GON4L: variants seen among roughly 807,000 people sequenced by gnomAD.
GON4L encodes GON-4-like protein.
Under a neutral mutation model 211.8 loss-of-function variants are expected in GON4L, and 87 were observed. The observed-to-expected ratio is 0.41, with a 90% confidence interval of 0.35 to 0.49. The LOEUF (loss-of-function observed/expected upper bound fraction) is 0.49, where lower values mean the gene tolerates loss of function less well. Among genes scored for constraint, GON4L ranks in the 20% least tolerant of loss-of-function variants. The pLI is 0.15. For missense variants in GON4L, 2,155 were observed against 2,659.5 expected (o/e 0.81, Z 4.17); for synonymous variants, 875 against 962.6 (o/e 0.91, Z 1.68).
intron 14 of GON4L, among the ~76,000 whole-genome samples, chr1:155,780,044 C>G: frequency 6.6e-6 from 1 of 152,134 alleles, no homozygotes; most frequent in African/African-American, 2.4e-5. Flanking sequence ...AGTGATCCAC[C>G]TGCCTTGGCC....
rs547763871 is a variant in GON4L, at chr1:155,816,239, T to C, written c.1038A>G (p.Ser346=). The C allele has an allele frequency of 2.3e-6, 3 of 1,324,436 alleles. No individual in the cohort carries two copies. The highest frequency in any genetic ancestry group is 3.3e-6 in the Non-Finnish European group (3 of 917,700). 82.0% of individuals were successfully genotyped at this position (1,324,436 alleles called of 1,614,324 possible). A position where few individuals can be genotyped will look rare whatever the true frequency, so the allele number is the denominator to read the frequency against. ...TAATTTCATTGGCCTTCTTAATTGG[T>C]GAAATATTCCATGTTGGAATTACCT... ...KGVVIPTWNI[S]PIKKANEIKP... is the part of the protein sequence containing the mutation. Residue 346 remains serine (S), a synonymous_variant, in exon 7 of 32, where the codon TCA becomes TCG. Transcript: ENST00000368331.
intron 20 of GON4L, chr1:155,766,974 A>G (rs1662566601): frequency 1.8e-6 from 1 of 565,192 alleles, no homozygotes; most frequent in Non-Finnish European, 3.1e-6. Flanking sequence ...TGAACCTGGG[A>G]GGCAGAGGTT....
At chr1:155,749,626 G>A, downstream of GON4L, 1 of 1,412,716 alleles carries the variant, frequency 7.1e-7, no homozygotes, top group Non-Finnish European at 9.5e-7. Context: ...TCCCCCAAGG[G>A]AGCAGGTATG....
chr1:155,828,137 G>A (rs971291710), intron 2 of GON4L, among the ~76,000 whole-genome samples: 9 of 137,562 alleles, frequency 6.5e-5, no homozygotes, highest in African/African-American at 2.4e-4. Context: ...CAGCCTGGGT[G>A]TCAGAGCAAG....
Position 155,820,608 on chromosome 1 carries a change from C to T in GON4L, c.1012G>A (p.Val338Met). 1 of 1,605,184 alleles carries T rather than the reference C, an allele frequency of 6.2e-7. No individual in the cohort carries two copies. The highest frequency in any genetic ancestry group is 8.5e-7 in the Non-Finnish European group (1 of 1,172,066). Residue 338 changes from valine (V) to methionine (M), a missense_variant and splice_region_variant, in exon 6 of 32, where the codon GTG (valine) becomes ATG (methionine). Transcript: ENST00000368331. ...SKLKEVVEKG[V>M]VIPTWNISPI... ...CAACAAAAAAACAGAATACTTACCA[C>T]TCCTTTTTCCACTACTTCCTTCAGT...
Position 155,827,138 on chromosome 1 carries a change from A to C in GON4L, c.506-110T>G. Reference sequence around the variant, plus strand: ...TTTAGGTAGACAACTTCATGAATTAAGCATATACTATATAGGAATTTTCCT... The same window carrying C: ...TTTAGGTAGACAACTTCATGAATTACGCATATACTATATAGGAATTTTCCT... On this transcript the variant is annotated intron_variant, in intron 2 of 31. Transcript: ENST00000368331. 21 of 796,096 alleles carry C rather than the reference A, an allele frequency of 2.6e-5. No individual in the cohort carries two copies. In the Middle Eastern group the frequency reaches 9.0e-4, roughly 34 times the overall value. The allele number at this position is 796,096 out of a possible 1,614,324, so 49.3% of individuals were successfully genotyped here. A position where few individuals can be genotyped will look rare whatever the true frequency, so the allele number is the denominator to read the frequency against.
rs779140286 is a variant in GON4L, at chr1:155,773,210, G to A, written c.2351C>T (p.Ala784Val). Residue 784 changes from alanine (A) to valine (V), a missense_variant and splice_region_variant, in exon 18 of 32, where the codon GCG (alanine) becomes GTG (valine). By Grantham distance (64) the Ala-to-Val change is moderately conservative (BLOSUM62 0). Coordinates refer to ENST00000368331, the MANE Select transcript of GON4L (RefSeq NM_001282860.2). ...CSPHKTVKKT[A>V]NEFPCLPKQV... ...CTTTGGCAAACAGGGAAATTCATTC[G>A]CTATAAGAAAATAAATCTCGGATAA... The A allele has an allele frequency of 9.9e-6, 16 of 1,613,808 alleles. No homozygotes were observed. Among genetic ancestry groups the A allele is most frequent in the Admixed American group, 6.7e-5 (4 of 59,966 alleles).
chr1:155,787,366 G>A (rs558384134), intron 12 of GON4L, among the ~76,000 whole-genome samples: 3 of 152,230 alleles, frequency 2.0e-5, no homozygotes, highest in South Asian at 4.1e-4. Flanking sequence ...GCTCCAAAAC[G>A]GGGCTCATAA....
chr1:155,750,868 A>G (rs1159038518), intron 31 of GON4L, 135 bp from the exon 32 acceptor site: 9 of 782,332 alleles, frequency 1.2e-5, no homozygotes, highest in Admixed American at 2.2e-5. Context: ...GGTTCAAGCA[A>G]TTCTCCTGCC....
rs371177822 is a variant in GON4L, at chr1:155,777,533, C to A, written c.2091+89G>T. 4.2e-6 allele frequency: 4 copies of A among 954,774 alleles called. No homozygotes were observed. In the East Asian group the frequency reaches 9.6e-5, roughly 23 times the overall value. The allele number at this position is 954,774 out of a possible 1,614,324, so 59.1% of individuals were successfully genotyped here. A position where few individuals can be genotyped will look rare whatever the true frequency, so the allele number is the denominator to read the frequency against. ...AGCAGAGGTTGAAGTGAGCCGATAT[C>A]GGGCCACTGCACTCCAGGCTGGGAG... On this transcript the variant is annotated intron_variant, in intron 15 of 31. Coordinates refer to ENST00000368331, the MANE Select transcript of GON4L (RefSeq NM_001282860.2).
chr1:155,830,883 C>A (rs1669697396), intron 2 of GON4L, among the ~76,000 whole-genome samples: 2 of 152,134 alleles, frequency 1.3e-5, no homozygotes, highest in South Asian at 4.1e-4. Flanking sequence ...CCATGCCTGA[C>A]CCCAAATATT....
In GON4L at chr1:155,820,661, G is replaced by A. The variant is rs1668645730; in HGVS notation, c.964-5C>T. The A allele has an allele frequency of 6.2e-7, 1 of 1,600,800 alleles. No individual in the cohort carries two copies. The highest frequency in any genetic ancestry group is 8.6e-7 in the Non-Finnish European group (1 of 1,168,130). On this transcript the variant is annotated splice_region_variant and splice_polypyrimidine_tract_variant and intron_variant, in intron 5 of 31. Transcript: ENST00000368331. ...AGAGCGTGTCATTTTAGGCTCCTAA[G>A]GAGAAAAAAACAGAAAGGAAATCCT...
At chr1:155,812,013 T>C (rs2102169969) in intron 10 of GON4L, among the ~76,000 whole-genome samples, 1 of 151,854 alleles carries the variant, frequency 6.6e-6, no homozygotes, top group South Asian at 2.1e-4. Flanking sequence ...GTCGCGCCAC[T>C]GCACTCCAGC....
At chr1:155,761,459 G>A (rs1661792790) in intron 23 of GON4L, among the ~76,000 whole-genome samples, 1 of 151,244 alleles carries the variant, frequency 6.6e-6, no homozygotes. Flanking sequence ...CCAAAGTGCT[G>A]GCATTATATG....
chr1:155,822,483 A>G lies in GON4L; in HGVS notation c.698-7T>C. ...TCTTCATTGTCTTGTTCTTCTGCAA[A>G]TAAACCAAGAACATCATCAGAATTC... On this transcript the variant is annotated splice_region_variant and splice_polypyrimidine_tract_variant and intron_variant, in intron 3 of 31. Transcript: ENST00000368331. 6.2e-7 allele frequency: 1 copy of G among 1,607,626 alleles called. No homozygotes were observed.
Position 155,784,085 on chromosome 1 carries a change from T to C in GON4L, c.1793A>G (p.Gln598Arg), listed in dbSNP as rs763359754. 2 of 1,613,962 alleles carry C rather than the reference T, an allele frequency of 1.2e-6. No homozygotes were observed. Among genetic ancestry groups the C allele is most frequent in the South Asian group, 1.1e-5 (1 of 91,076 alleles). ...CATGTTGGAGAATCCCATCTCATCT[T>C]GGAACTGTGGGCAAAGGAAAGGGAG... is the stretch of plus-strand genomic sequence containing the variant. ...ELMEELFETF[Q>R]DEMGFSNMED... is the part of the protein sequence containing the mutation. The change falls in exon 14 of 32, where the codon CAA becomes CGA. Residue 598 changes from glutamine (Q) to arginine (R), a missense_variant. By Grantham distance (43) the Gln-to-Arg change is conservative (BLOSUM62 1). This residue lies in a region of GON4L where 551 missense variants were observed against 854.0 expected (regional missense o/e 0.65). Transcript: ENST00000368331.
At position 155,775,007 on chromosome 1, in the gene GON4L, T is replaced by C. The variant is rs559300852; in HGVS notation, c.2345A>G (p.Lys782Arg). The change falls in exon 17 of 32, where the codon AAG (lysine) becomes AGG (arginine). Residue 782 changes from lysine (K) to arginine (R), a missense_variant. Coordinates refer to ENST00000368331, the MANE Select transcript of GON4L (RefSeq NM_001282860.2). Reference protein sequence around the residue: ...IDCSPHKTVKKTANEFPCLPK... With the variant: ...IDCSPHKTVKRTANEFPCLPK... ...CTGACACATCTGTCTCCTACCAGTC[T>C]TCTTGACAGTTTTATGAGGGCTGCA... 1 of 1,610,852 alleles carries C rather than the reference T, an allele frequency of 6.2e-7. No individual in the cohort carries two copies. Among genetic ancestry groups the C allele is most frequent in the South Asian group, 1.1e-5 (1 of 90,950 alleles).
intron 2 of GON4L, among the ~76,000 whole-genome samples, chr1:155,838,253 C>G (rs970046093): frequency 6.6e-6 from 1 of 152,016 alleles, no homozygotes; most frequent in Non-Finnish European, 1.5e-5. Context: ...GAAACCTTGT[C>G]TCAAAAAATT....
At chr1:155,745,260 T>C (rs1205689775), downstream of GON4L, among the ~76,000 whole-genome samples, 1 of 152,186 alleles carries the variant, frequency 6.6e-6, no homozygotes, top group Non-Finnish European at 1.5e-5. Flanking sequence ...AATACTCTAT[T>C]TACATAAAGT....
Sources: allele counts gnomAD v4.1 joint callset (sites outside exome capture counted in the v4.1 genomes callset), GRCh38; gene constraint gnomAD v4.1.1; regional missense constraint gnomAD v4.1.1; transcripts MANE v1.5; gene names NCBI Gene and HGNC (gene_info 2026-07-23, HGNC 2026-07-21).